Variants in CCND3 observed in about 807,000 individuals in gnomAD.
CCND3 encodes the protein cyclin D3, also known as G1/S-specific cyclin-D3.
Under a neutral mutation model 28.7 loss-of-function variants are expected in CCND3, and 9 were observed. The ratio of observed to expected loss-of-function variants is 0.31; its 90% CI spans 0.19 to 0.55. The LOEUF (loss-of-function observed/expected upper bound fraction) is 0.55, where lower values mean the gene tolerates loss of function less well. Ranked by LOEUF, CCND3 falls within the 20% of genes least tolerant of loss-of-function variation. CCND3 has a pLI of 0.93. For synonymous variants in CCND3, 164 were observed against 163.9 expected, an observed-to-expected ratio of 1.00 and a Z score of 0.00; for missense variants, 315 against 385.8, an observed-to-expected ratio of 0.82 and a Z score of 1.54.
intron 1 of CCND3, among the ~76,000 whole-genome samples, chr6:42,003,525 C>CAAAAAAAAAAAA (rs61494473): frequency 5.4e-5 from 4 of 73,518 alleles, no homozygotes; most frequent in African/African-American, 2.4e-4. Flanking sequence ...GACTCTGTCT[C>CAAAAAAAAAAAA]AAAAAAAAAA....
At chr6:42,043,733 TGCCTCTGTGTCCCTGGAG>T (rs1414541296) in intron 1 of CCND3, among the ~76,000 whole-genome samples, 1 of 152,208 alleles carries the variant, frequency 6.6e-6, no homozygotes, top group African/African-American at 2.4e-5. Context: ...TTCTGGGCTC[TGCCTCTGTGTCCCTGGAG>T]GCCCAGTGGC....
At chr6:42,040,424 A>G (rs527740641) in intron 1 of CCND3, among the ~76,000 whole-genome samples, 1 of 151,970 alleles carries the variant, frequency 6.6e-6, no homozygotes, top group East Asian at 1.9e-4. Context: ...TCTCAAAACA[A>G]AAACAAAAAC....
At position 41,941,282 on chromosome 6, in the gene CCND3, A is replaced by G. The variant is rs1333757392; in HGVS notation, c.198+170T>C. ...CGGGAGGAGCCGATTAGGGCTCGGGAAAGCAAGGGAGGCAGCTGGCGTGGG... is the reference window on the plus strand; with the variant it reads ...CGGGAGGAGCCGATTAGGGCTCGGGGAAGCAAGGGAGGCAGCTGGCGTGGG... On this transcript the variant is annotated intron_variant, in intron 1 of 4. Coordinates refer to ENST00000372991, the MANE Select transcript of CCND3 (RefSeq NM_001760.5). The surrounding 1 kb of genome is among the most constrained non-coding windows in gnomAD (Gnocchi z 6.1). 28 of 1,441,222 alleles carry G rather than the reference A, an allele frequency of 1.9e-5. No homozygotes were observed. Among genetic ancestry groups the G allele is most frequent in the Non-Finnish European group, 2.3e-5 (25 of 1,100,628 alleles). 89.3% of individuals were successfully genotyped at this position (1,441,222 alleles called of 1,614,324 possible). A position where few individuals can be genotyped will look rare whatever the true frequency, so the allele number is the denominator to read the frequency against.
intron 1 of CCND3, among the ~76,000 whole-genome samples, chr6:42,005,786 C>T (rs1364502977): frequency 6.6e-6 from 1 of 151,810 alleles, no homozygotes; most frequent in Non-Finnish European, 1.5e-5. Flanking sequence ...CAGATTCAGG[C>T]GATTCTCATG....
chr6:42,044,783 T>TTATTTA lies in CCND3; in HGVS notation c.-46+3717_-46+3718insTAAATA, dbSNP rs1582197636. On this transcript the variant is annotated intron_variant, in intron 1 of 4. Coordinates refer to the CCND3 transcript ENST00000372988. ...TCTTTTCTTTCTTTTCTTTCTTTCC[T>TTATTTA]TTTATTTATTTATTTATTTATTTGA... Among the ~76,000 whole-genome samples, 28 of 143,138 alleles carry TTATTTA rather than the reference T, an allele frequency of 2.0e-4. No individual in the cohort carries two copies. In the East Asian group the frequency reaches 4.3e-3, roughly 22 times the overall value. The allele number at this position is 143,138 out of a possible 152,430, so 93.9% of individuals were successfully genotyped here. A position where few individuals can be genotyped will look rare whatever the true frequency, so the allele number is the denominator to read the frequency against.
chr6:41,942,675 G>A (rs1165705676), upstream of CCND3, among the ~76,000 whole-genome samples: 1 of 151,984 alleles, frequency 6.6e-6, no homozygotes, highest in Non-Finnish European at 1.5e-5. Flanking sequence ...AGATCTACCG[G>A]TTGCATTTCT....
intron 1 of CCND3, among the ~76,000 whole-genome samples, chr6:41,977,269 G>C (rs1159968997): frequency 2.0e-5 from 3 of 152,144 alleles, no homozygotes; most frequent in Non-Finnish European, 4.4e-5. Context: ...GTAAGGTTAT[G>C]AGAGAAAAAA....
At chr6:42,016,186 C>T (rs556584139) in intron 1 of CCND3, among the ~76,000 whole-genome samples, 23 of 152,144 alleles carry the variant, frequency 1.5e-4, no homozygotes, top group African/African-American at 2.6e-4. Flanking sequence ...CCACCGGCCT[C>T]GGCCTCCCAA....
At position 42,044,940 on chromosome 6, in the gene CCND3, G is replaced by A. The variant is rs796545045; in HGVS notation, c.-46+3561C>T. On this transcript the variant is annotated intron_variant, in intron 1 of 4. Coordinates refer to the CCND3 transcript ENST00000372988. The stretch of plus-strand genomic sequence containing the variant: ...AGTAGGTGGGATTACAGGCCCGTGC[G>A]ACCACGCCCGGCTAACGTTTTTTTT... 2.6e-4 allele frequency among the ~76,000 whole-genome samples: 39 copies of A among 148,242 alleles called. 2 individuals carry two copies. Among genetic ancestry groups the A allele is most frequent in the African/African-American group, 9.0e-4 (36 of 40,132 alleles).
intron 1 of CCND3, among the ~76,000 whole-genome samples, chr6:42,002,641 A>G (rs948762559): frequency 3.3e-5 from 5 of 151,040 alleles, no homozygotes; most frequent in African/African-American, 1.2e-4. Flanking sequence ...TCACAAGATC[A>G]GGAGATTGAG....
intron 1 of CCND3, among the ~76,000 whole-genome samples, chr6:42,043,573 G>C (rs12202319): frequency 0.19 from 29,108 of 151,900 alleles, 2,946 homozygotes; most frequent in East Asian, 0.34. Flanking sequence ...GGCGCCACGC[G>C]TGTTGTCCCA....
intron 1 of CCND3, among the ~76,000 whole-genome samples, chr6:41,964,317 T>A (rs1761797417): frequency 6.7e-6 from 1 of 150,074 alleles, no homozygotes; most frequent in Admixed American, 6.7e-5. Flanking sequence ...TGTGTGTGAG[T>A]CTGTGTGTGT....
intron 1 of CCND3, among the ~76,000 whole-genome samples, chr6:41,981,283 G>A (rs1219447518): frequency 6.6e-6 from 1 of 152,010 alleles, no homozygotes; most frequent in Non-Finnish European, 1.5e-5. Context: ...TCTGCTCACT[G>A]CAACCTCCGC....
intron 1 of CCND3, among the ~76,000 whole-genome samples, chr6:42,022,357 C>T (rs765469337): frequency 6.6e-6 from 1 of 152,128 alleles, no homozygotes; most frequent in Non-Finnish European, 1.5e-5. Flanking sequence ...GATTGGATCC[C>T]AGGTTGGTAA....
intron 1 of CCND3, among the ~76,000 whole-genome samples, chr6:42,045,157 C>T (rs1666034159): frequency 6.6e-6 from 1 of 151,982 alleles, no homozygotes; most frequent in South Asian, 2.1e-4. Context: ...AATTCTATCC[C>T]TCTCCCATAC....
At chr6:41,960,247 G>A (rs1420558818) in intron 1 of CCND3, among the ~76,000 whole-genome samples, 1 of 152,184 alleles carries the variant, frequency 6.6e-6, no homozygotes, top group African/African-American at 2.4e-5. Context: ...TGATAATGGA[G>A]AGTGACTGCT....
chr6:41,977,438 C>T (rs1762215435), intron 1 of CCND3, among the ~76,000 whole-genome samples: 1 of 152,144 alleles, frequency 6.6e-6, no homozygotes, highest in Admixed American at 6.6e-5. Context: ...GCTATCTCGT[C>T]TCACTACAAC....
At chr6:42,045,267 G>A (rs1330528955) in intron 1 of CCND3, among the ~76,000 whole-genome samples, 1 of 151,704 alleles carries the variant, frequency 6.6e-6, no homozygotes, top group Admixed American at 6.6e-5. Context: ...GTTAATTCAC[G>A]AGTAAAGAGC....
intron 1 of CCND3, among the ~76,000 whole-genome samples, chr6:42,040,625 G>A (rs1340127139): frequency 1.3e-5 from 2 of 151,980 alleles, no homozygotes; most frequent in Non-Finnish European, 2.9e-5. Flanking sequence ...AGGCTGAGGC[G>A]GGTGGATCAC....
Sources: gnomAD v4.1 joint callset for allele counts (sites outside exome capture counted in the v4.1 genomes callset) on GRCh38, gnomAD v4.1.1 for gene constraint, Gnocchi (gnomAD v3.1) non-coding constraint, MANE v1.5 for transcripts, NCBI Gene and HGNC (gene_info 2026-07-23, HGNC 2026-07-21) for gene names.